Variants in POLR3G observed in about 807,000 individuals in gnomAD.
The protein encoded by POLR3G is RNA polymerase III subunit G.
In POLR3G, 28 loss-of-function variants were observed where a neutral mutation model predicts 30.1. The ratio of observed to expected loss-of-function variants is 0.93; its 90% CI spans 0.69 to 1.27. The LOEUF (loss-of-function observed/expected upper bound fraction) is 1.27. Among genes scored for constraint, POLR3G ranks in the 50% most tolerant of loss-of-function variants. POLR3G has a pLI of 0.00. For missense variants in POLR3G, 254 were observed against 264.6 expected (o/e 0.96, Z 0.28); for synonymous variants, 79 against 82.5 (o/e 0.96, Z 0.23).
In POLR3G at chr5:90,506,651, T is replaced by C. The variant is rs1055430881; in HGVS notation, c.562T>C (p.Tyr188His). The C allele has an allele frequency of 6.2e-7, 1 of 1,609,850 alleles. No individual in the cohort carries two copies. The highest frequency in any genetic ancestry group is 8.5e-7 in the Non-Finnish European group (1 of 1,178,250). ...CGATGATGCCGCAGAACAGGAGGAA[T>C]ATGATGAAGAAGAGCAAGAAGAGGT... ...DDDDAAEQEEYDEEEQEEEND... is the reference protein window; with the variant it reads ...DDDDAAEQEEHDEEEQEEEND... The change falls in exon 7 of 8, where the codon TAT (tyrosine) becomes CAT (histidine). Residue 188 changes from tyrosine to histidine, a missense_variant. Tyr to His is a moderately conservative substitution (Grantham distance 83). Transcript: ENST00000651687.
At position 90,488,102 on chromosome 5, in the gene POLR3G, T is replaced by G; in HGVS notation, c.220T>G (p.Phe74Val). Residue 74 changes from phenylalanine (F) to valine (V), a missense_variant, in exon 3 of 8, where the codon TTT becomes GTT. Physicochemically the swap from Phe to Val is conservative, Grantham distance 50. Coordinates refer to ENST00000651687, the MANE Select transcript of POLR3G (RefSeq NM_006467.3). Reference protein sequence around the residue: ...LRETMKRMPYFIETPEERQDI... With the variant: ...LRETMKRMPYVIETPEERQDI... Reference sequence around the variant, plus strand: ...AGAAACAATGAAAAGAATGCCTTATTTTATTGAAACACCTGAAGAAAGACA... The same window carrying G: ...AGAAACAATGAAAAGAATGCCTTATGTTATTGAAACACCTGAAGAAAGACA... 6.2e-7 allele frequency: 1 copy of G among 1,611,170 alleles called. No individual in the cohort carries two copies. Among genetic ancestry groups the G allele is most frequent in the South Asian group, 1.1e-5 (1 of 90,444 alleles).
intron 3 of POLR3G, among the ~76,000 whole-genome samples, chr5:90,492,021 T>C (rs976315580): frequency 6.6e-6 from 1 of 152,200 alleles, no homozygotes; most frequent in Non-Finnish European, 1.5e-5. Flanking sequence ...TTTCAAAAAT[T>C]TTTAATTTTT....
At position 90,512,215 on chromosome 5, in the gene POLR3G, C is replaced by T; in HGVS notation, c.*76C>T. The T allele has an allele frequency of 2.1e-6, 2 of 946,778 alleles. No individual in the cohort carries two copies. Among genetic ancestry groups the T allele is most frequent in the Non-Finnish European group, 3.4e-6 (2 of 592,244 alleles). The allele number at this position is 946,778 out of a possible 1,614,324, so 58.6% of individuals were successfully genotyped here. On this transcript the variant is annotated 3_prime_UTR_variant, in exon 8 of 8. Transcript: ENST00000651687. Reference sequence around the variant, plus strand: ...GACAGACTTGATTTGTATTTTATTTCTGATAAGGAATAAGTACTTGTTTCT... The same window carrying T: ...GACAGACTTGATTTGTATTTTATTTTTGATAAGGAATAAGTACTTGTTTCT...
At position 90,503,342 on chromosome 5, in the gene POLR3G, T is replaced by G. The variant is rs148057634; in HGVS notation, c.438+1354T>G. The stretch of plus-strand genomic sequence containing the variant: ...TTTTATTATTTGACCAGTACTGGAG[T>G]TAGAGACAACATGTCTGAAAAATAA... On this transcript the variant is annotated intron_variant, in intron 6 of 7. Coordinates refer to ENST00000651687, the MANE Select transcript of POLR3G (RefSeq NM_006467.3). 3.2e-3 allele frequency among the ~76,000 whole-genome samples: 493 copies of G among 152,268 alleles called. 2 individuals are homozygous for G. Among genetic ancestry groups the G allele is most frequent in the African/African-American group, 0.011 (472 of 41,558 alleles).
intron 3 of POLR3G, among the ~76,000 whole-genome samples, chr5:90,494,769 TTATC>T (rs895172539): frequency 3.3e-5 from 5 of 152,156 alleles, no homozygotes; most frequent in African/African-American, 1.2e-4. Flanking sequence ...CTTTTATCTG[TTATC>T]TTTTTTATTT....
At chr5:90,503,181 T>C (rs1330772967) in intron 6 of POLR3G, among the ~76,000 whole-genome samples, 1 of 152,232 alleles carries the variant, frequency 6.6e-6, no homozygotes, top group East Asian at 1.9e-4. Flanking sequence ...ACATATGTTA[T>C]GTCCATAAGA....
chr5:90,488,874 TG>T (rs1379702654), intron 3 of POLR3G, among the ~76,000 whole-genome samples: 21 of 152,206 alleles, frequency 1.4e-4, no homozygotes, highest in Non-Finnish European at 1.5e-4. Context: ...AGGCTAGAAG[TG>T]GGAAGTGGTT....
chr5:90,477,614 C>T (rs1467783213), intron 1 of POLR3G, among the ~76,000 whole-genome samples: 2 of 152,094 alleles, frequency 1.3e-5, no homozygotes, highest in African/African-American at 4.8e-5. Context: ...GGAATAATAC[C>T]GTGACTTGAC....
Position 90,506,682 on chromosome 5 carries a change from T to A in POLR3G, c.585+8T>A, listed in dbSNP as rs1393309297. The A allele has an allele frequency of 1.2e-5, 19 of 1,594,356 alleles. No individual in the cohort carries two copies. Among genetic ancestry groups the A allele is most frequent in the Non-Finnish European group, 1.5e-5 (18 of 1,170,664 alleles). ...GAAGAAGAGCAAGAAGAGGTAATGG[T>A]TCATTTGGGGATGGTAGCAAAATTA... On this transcript the variant is annotated splice_region_variant and intron_variant, in intron 7 of 7. Transcript: ENST00000651687.
At chr5:90,473,988 T>TGGTGCAC (rs1233365965), upstream of POLR3G, 1 of 1,575,752 alleles carries the variant, frequency 6.3e-7, no homozygotes, top group Non-Finnish European at 8.6e-7. Flanking sequence ...GGCCTCGGCG[T>TGGTGCAC]GGTGCACTGC....
At chr5:90,486,569 C>T (rs1751450326) in intron 2 of POLR3G, among the ~76,000 whole-genome samples, 1 of 152,178 alleles carries the variant, frequency 6.6e-6, no homozygotes, top group South Asian at 2.1e-4. Context: ...GTCCTCAGGC[C>T]TTTGGCCCTG....
chr5:90,497,651 TA>T lies in POLR3G; in HGVS notation c.305-4del. 6.3e-7 allele frequency: 1 copy of T among 1,593,062 alleles called. No individual in the cohort carries two copies. Among genetic ancestry groups the T allele is most frequent in the South Asian group, 1.2e-5 (1 of 86,542 alleles). On this transcript the variant is annotated splice_region_variant and splice_polypyrimidine_tract_variant and intron_variant, in intron 4 of 7. Transcript: ENST00000651687. ...GCAATTTTTTATTTTTTATTTTATG[TA>T]CAGATTGGAGAAGACTTCCAAGAGA...
chr5:90,478,569 C>CTTT lies in POLR3G; in HGVS notation c.-44+3564_-44+3566dup, dbSNP rs773881344. 4.2e-4 allele frequency among the ~76,000 whole-genome samples: 33 copies of CTTT among 79,334 alleles called. 2 individuals are homozygous for CTTT. The highest frequency in any genetic ancestry group is 4.0e-3 in the South Asian group (9 of 2,248). 52.0% of individuals were successfully genotyped at this position (79,334 alleles called of 152,430 possible). ...AATGGGAGGTTTAATCTGCGTGGTT[C>CTTT]TTTTTTTTTTTTTTTTTGAGAGGGA... On this transcript the variant is annotated intron_variant, in intron 1 of 7. Coordinates refer to ENST00000651687, the MANE Select transcript of POLR3G (RefSeq NM_006467.3).
At chr5:90,506,708 A>C in intron 7 of POLR3G, 34 bp downstream of exon 7, 5 of 1,575,844 alleles carry the variant, frequency 3.2e-6, no homozygotes, top group Non-Finnish European at 4.3e-6. Flanking sequence ...AGCAAAATTA[A>C]TAAGGTTTAT....
intron 2 of POLR3G, 122 bp downstream of exon 2, chr5:90,485,806 G>A (rs1751411168): frequency 3.1e-6 from 2 of 646,584 alleles, no homozygotes; most frequent in Admixed American, 6.2e-5. Flanking sequence ...GTAAAGGAGA[G>A]TGTGTTTCAC....
chr5:90,490,095 A>C (rs1196164935), intron 3 of POLR3G, among the ~76,000 whole-genome samples: 1 of 151,862 alleles, frequency 6.6e-6, no homozygotes, highest in East Asian at 1.9e-4. Context: ...TGACAGAGTG[A>C]GACTCTGTCT....
intron 6 of POLR3G, among the ~76,000 whole-genome samples, 189 bp from the exon 7 acceptor site, chr5:90,506,339 G>A (rs1024784006): frequency 3.3e-5 from 5 of 152,172 alleles, no homozygotes; most frequent in Admixed American, 6.5e-5. Context: ...CAAAGAAAAT[G>A]CTGGTTTAGT....
intron 2 of POLR3G, among the ~76,000 whole-genome samples, chr5:90,487,030 A>G (rs1751471076): frequency 6.6e-6 from 1 of 152,212 alleles, no homozygotes. Context: ...GTTAATGAAC[A>G]TATTTGTGTA....
In POLR3G at chr5:90,513,808, T is replaced by C. The variant is rs1372952961; in HGVS notation, c.*1669T>C. On this transcript the variant is annotated 3_prime_UTR_variant, in exon 8 of 8. Coordinates refer to ENST00000651687, the MANE Select transcript of POLR3G (RefSeq NM_006467.3). ...TTCTAAATGGAATACACGAATAAAG[T>C]AAGCCTTAGAATAGAAACCTCACAA... The C allele has an allele frequency of 6.6e-6, 1 of 152,198 alleles. No individual in the cohort carries two copies. Among genetic ancestry groups the C allele is most frequent in the Non-Finnish European group, 1.5e-5 (1 of 68,016 alleles). The allele number at this position is 152,198 out of a possible 1,614,324, so 9.4% of individuals were successfully genotyped here. A position where few individuals can be genotyped will look rare whatever the true frequency, so the allele number is the denominator to read the frequency against.
Sources: allele counts gnomAD v4.1 joint callset (sites outside exome capture counted in the v4.1 genomes callset), GRCh38; gene constraint gnomAD v4.1.1; transcripts MANE v1.5; gene names NCBI Gene and HGNC (gene_info 2026-07-23, HGNC 2026-07-21).